The following RAP1GDS1 variants were observed in gnomAD, a reference collection of about 807,000 sequenced individuals.
The protein encoded by RAP1GDS1 is RAP1, GTP-GDP dissociation stimulator 1.
Under a neutral mutation model 71.1 loss-of-function variants are expected in RAP1GDS1, and 35 were observed. That is an observed-to-expected ratio of 0.49 (90% CI 0.38 to 0.65). RAP1GDS1 has a LOEUF of 0.65. Ranked by LOEUF, RAP1GDS1 falls within the 30% of genes least tolerant of loss-of-function variation. RAP1GDS1 has a pLI of 0.00. For missense variants in RAP1GDS1, 663 were observed against 706.1 expected, an observed-to-expected ratio of 0.94 and a Z score of 0.69; for synonymous variants, 229 against 243.1, an observed-to-expected ratio of 0.94 and a Z score of 0.54.
intron 4 of RAP1GDS1, among the ~76,000 whole-genome samples, chr4:98,364,546 G>A (rs958637375): frequency 3.3e-5 from 5 of 152,086 alleles, no homozygotes; most frequent in Non-Finnish European, 5.9e-5. Flanking sequence ...TTCTGAGCAC[G>A]CAGGTTTTGG....
chr4:98,280,780 T>A (rs1161953720), intron 1 of RAP1GDS1, among the ~76,000 whole-genome samples: 2 of 152,216 alleles, frequency 1.3e-5, no homozygotes, highest in African/African-American at 4.8e-5. Context: ...TTGAATTAAT[T>A]TTTGTATAAG....
At chr4:98,392,169 C>T in intron 6 of RAP1GDS1, 89 bp downstream of exon 6, 1 of 1,222,416 alleles carries the variant, frequency 8.2e-7, no homozygotes, top group Non-Finnish European at 1.1e-6. Flanking sequence ...GCTAGAAATC[C>T]ATTTAGATTG....
intron 2 of RAP1GDS1, among the ~76,000 whole-genome samples, chr4:98,305,264 A>C (rs558090597): frequency 6.6e-6 from 1 of 152,096 alleles, no homozygotes; most frequent in African/African-American, 2.4e-5. Flanking sequence ...TTTGGGCAGT[A>C]TGGCCGTTTT....
intron 1 of RAP1GDS1, among the ~76,000 whole-genome samples, chr4:98,284,174 A>G (rs925054836): frequency 6.6e-6 from 1 of 152,190 alleles, no homozygotes; most frequent in African/African-American, 2.4e-5. Context: ...GGAGTTGGAA[A>G]TAGTACATAA....
At chr4:98,276,774 T>A (rs562116821) in intron 1 of RAP1GDS1, among the ~76,000 whole-genome samples, 2 of 152,296 alleles carry the variant, frequency 1.3e-5, no homozygotes, top group East Asian at 3.9e-4. Context: ...GCAACCTCAA[T>A]GAGTTTTGCC....
At chr4:98,324,274 C>T (rs1284145156) in intron 2 of RAP1GDS1, among the ~76,000 whole-genome samples, 23 of 150,460 alleles carry the variant, frequency 1.5e-4, no homozygotes, top group African/African-American at 5.4e-4. Flanking sequence ...TAAAAGAGGA[C>T]ACAAACAAAT....
intron 2 of RAP1GDS1, among the ~76,000 whole-genome samples, chr4:98,303,849 C>T (rs148886507): frequency 2.0e-3 from 299 of 152,084 alleles, no homozygotes; most frequent in African/African-American, 7.1e-3. Context: ...CTGATGCTCT[C>T]CCTCCCCATA....
chr4:98,405,329 T>C lies in RAP1GDS1; in HGVS notation c.763+727T>C, dbSNP rs184293370. ...GAAAAATACAACCAAAATTAAGAAT[T>C]CAGTGGGTGGTTTAATAGCAGATTT... On this transcript the variant is annotated intron_variant, in intron 7 of 14. Transcript: ENST00000408927. 1.3e-4 allele frequency among the ~76,000 whole-genome samples: 20 copies of C among 152,268 alleles called. No homozygotes were observed. In the East Asian group the frequency reaches 2.5e-3, roughly 19 times the overall value.
intron 6 of RAP1GDS1, among the ~76,000 whole-genome samples, chr4:98,399,368 G>C (rs1030742371): frequency 1.3e-5 from 2 of 152,138 alleles, no homozygotes; most frequent in Non-Finnish European, 2.9e-5. Flanking sequence ...CTCAACAGCA[G>C]GGTCTCACTC....
At chr4:98,331,317 C>T (rs544817049) in intron 2 of RAP1GDS1, among the ~76,000 whole-genome samples, 33 of 131,000 alleles carry the variant, frequency 2.5e-4, no homozygotes, top group African/African-American at 8.7e-4. Context: ...AGGGGGAGAC[C>T]GTGGAAAGCG....
At chr4:98,338,013 C>T (rs1178281616) in intron 2 of RAP1GDS1, among the ~76,000 whole-genome samples, 1 of 151,972 alleles carries the variant, frequency 6.6e-6, no homozygotes, top group Non-Finnish European at 1.5e-5. Context: ...GCGGACAGGG[C>T]AGGGGAGGCA....
At chr4:98,410,238 C>T (rs1746840497) in intron 7 of RAP1GDS1, among the ~76,000 whole-genome samples, 1 of 152,048 alleles carries the variant, frequency 6.6e-6, no homozygotes, top group South Asian at 2.1e-4. Context: ...TATAAAAACT[C>T]TTAAAAATCA....
chr4:98,402,540 T>A (rs1449734733), intron 6 of RAP1GDS1, among the ~76,000 whole-genome samples: 1 of 152,178 alleles, frequency 6.6e-6, no homozygotes, highest in African/African-American at 2.4e-5. Context: ...CATTAAAGAA[T>A]CATACTTAAA....
intron 5 of RAP1GDS1, among the ~76,000 whole-genome samples, chr4:98,381,177 C>T (rs1300846987): frequency 6.6e-6 from 1 of 151,574 alleles, no homozygotes; most frequent in Non-Finnish European, 1.5e-5. Flanking sequence ...TAACTTTTCT[C>T]TGAATATTAT....
intron 1 of RAP1GDS1, among the ~76,000 whole-genome samples, chr4:98,286,358 T>A (rs1181766293): frequency 1.3e-5 from 2 of 151,908 alleles, no homozygotes; most frequent in Admixed American, 6.6e-5. Context: ...TTAGGCTCTC[T>A]CTGTGTAGAG....
chr4:98,438,639 C>T (rs1224569233), intron 14 of RAP1GDS1, among the ~76,000 whole-genome samples: 3 of 132,376 alleles, frequency 2.3e-5, no homozygotes, highest in Non-Finnish European at 4.6e-5. Context: ...GTCACCCAGG[C>T]TGGAGTGCAG....
intron 1 of RAP1GDS1, among the ~76,000 whole-genome samples, chr4:98,280,261 C>A (rs1357494230): frequency 6.6e-6 from 1 of 152,212 alleles, no homozygotes; most frequent in Non-Finnish European, 1.5e-5. Flanking sequence ...CACATCCTCT[C>A]CAGCATCTGT....
rs933675195 is a variant in RAP1GDS1, at chr4:98,436,580, G to A, written c.1568-360G>A. Among the ~76,000 whole-genome samples, 23 of 152,152 alleles carry A rather than the reference G, an allele frequency of 1.5e-4. 1 individual carries two copies. Among genetic ancestry groups the A allele is most frequent in the Non-Finnish European group, 1.5e-5 (1 of 68,040 alleles). ...AATAATTTGAGATGGATGACAGCAG[G>A]TGAATGAGAGAGATCGGCCATAATT... On this transcript the variant is annotated intron_variant, in intron 13 of 14. Transcript: ENST00000408927.
chr4:98,302,445 G>A (rs1298626064), intron 2 of RAP1GDS1, among the ~76,000 whole-genome samples: 1 of 152,152 alleles, frequency 6.6e-6, no homozygotes, highest in African/African-American at 2.4e-5. Context: ...AGGCAACTGA[G>A]AAGACAAAGG....
Sources: allele counts gnomAD v4.1 joint callset (sites outside exome capture counted in the v4.1 genomes callset), GRCh38; gene constraint gnomAD v4.1.1; transcripts MANE v1.5; gene names NCBI Gene and HGNC (gene_info 2026-07-23, HGNC 2026-07-21).